Variants in MYO5B observed in about 807,000 individuals in gnomAD.
MYO5B encodes the protein unconventional myosin-Vb.
In MYO5B, 143 loss-of-function variants were observed where a neutral mutation model predicts 229.3. The ratio of observed to expected loss-of-function variants is 0.62; its 90% CI spans 0.54 to 0.72. The LOEUF (loss-of-function observed/expected upper bound fraction) is 0.72. Ranked by LOEUF, MYO5B falls within the 30% of genes least tolerant of loss-of-function variation. The pLI is 0.00. For missense variants in MYO5B, 2,321 were observed against 2,331.0 expected, an observed-to-expected ratio of 1.00 and a Z score of 0.09; for synonymous variants, 918 against 885.2, an observed-to-expected ratio of 1.04 and a Z score of -0.66.
intron 12 of MYO5B, among the ~76,000 whole-genome samples, chr18:49,958,671 A>G (rs551908316): frequency 6.6e-6 from 1 of 152,210 alleles, no homozygotes; most frequent in South Asian, 2.1e-4. Context: ...CCAAGCCTCC[A>G]AGAGTTCAAA....
chr18:50,113,266 C>T (rs1232879510), intron 1 of MYO5B, among the ~76,000 whole-genome samples: 2 of 152,214 alleles, frequency 1.3e-5, no homozygotes, highest in South Asian at 2.1e-4. Context: ...CCTCAGGAAG[C>T]TTCGCATCCT....
intron 17 of MYO5B, among the ~76,000 whole-genome samples, chr18:49,921,807 T>A (rs1029410360): frequency 1.6e-4 from 25 of 152,352 alleles, no homozygotes; most frequent in African/African-American, 6.0e-4. Flanking sequence ...GCCCTGTGGA[T>A]AATTCATCAC....
At chr18:50,186,592 A>C (rs2033152366) in intron 1 of MYO5B, among the ~76,000 whole-genome samples, 1 of 152,126 alleles carries the variant, frequency 6.6e-6, no homozygotes, top group Non-Finnish European at 1.5e-5. Context: ...CCCCTTCAGG[A>C]CAGCAGGGAA....
chr18:50,179,142 A>G (rs959478925), intron 1 of MYO5B, among the ~76,000 whole-genome samples: 5 of 152,220 alleles, frequency 3.3e-5, no homozygotes, highest in African/African-American at 4.8e-5. Context: ...TCTTCCAGAC[A>G]TGAAAACCAC....
At chr18:49,933,506 G>T (rs551677650) in intron 16 of MYO5B, among the ~76,000 whole-genome samples, 1 of 152,380 alleles carries the variant, frequency 6.6e-6, no homozygotes, top group African/African-American at 2.4e-5. Flanking sequence ...CTTTTGTATA[G>T]GTCATGCTAT....
At chr18:49,947,262 C>T (rs12962112) in intron 14 of MYO5B, among the ~76,000 whole-genome samples, 52,945 of 151,712 alleles carry the variant, frequency 0.35, 10,287 homozygotes, top group Middle Eastern at 0.56. Flanking sequence ...CCCGCCACCA[C>T]GCCTGGCTAA....
intron 4 of MYO5B, 90 bp downstream of exon 4, chr18:50,036,760 A>T: frequency 6.8e-7 from 1 of 1,473,262 alleles, no homozygotes; most frequent in Non-Finnish European, 9.5e-7. Flanking sequence ...TCACCACCTC[A>T]CTGTGAGCAT....
intron 2 of MYO5B, among the ~76,000 whole-genome samples, chr18:50,044,516 C>G (rs923024629): frequency 1.3e-5 from 2 of 151,976 alleles, no homozygotes; most frequent in African/African-American, 4.8e-5. Context: ...CTTTCTGCAA[C>G]TAGGAGCTGG....
intron 4 of MYO5B, among the ~76,000 whole-genome samples, chr18:50,022,873 A>T (rs2026291948): frequency 6.6e-6 from 1 of 152,098 alleles, no homozygotes; most frequent in Admixed American, 6.5e-5. Flanking sequence ...GGTTTAAGGG[A>T]ATCCCCGGAC....
intron 1 of MYO5B, among the ~76,000 whole-genome samples, chr18:50,163,003 AT>A (rs1189900260): frequency 6.6e-6 from 1 of 152,182 alleles, no homozygotes; most frequent in Non-Finnish European, 1.5e-5. Context: ...CATGTTTTAC[AT>A]TTCAATGATT....
At chr18:49,910,565 GT>G (rs2024946625) in intron 18 of MYO5B, among the ~76,000 whole-genome samples, 1 of 147,932 alleles carries the variant, frequency 6.8e-6, no homozygotes, top group Admixed American at 6.7e-5. Context: ...CCCTTACCCT[GT>G]TTAAAAAAAA....
intron 17 of MYO5B, among the ~76,000 whole-genome samples, chr18:49,916,920 G>T (rs568963895): frequency 8.5e-5 from 13 of 152,368 alleles, no homozygotes; most frequent in Admixed American, 2.6e-4. Context: ...AAGAGAATTT[G>T]TGATTCTTTT....
chr18:49,861,866 C>G (rs954097793), intron 29 of MYO5B, among the ~76,000 whole-genome samples: 2 of 152,326 alleles, frequency 1.3e-5, no homozygotes, highest in East Asian at 3.9e-4. Flanking sequence ...TAAAGTGGCA[C>G]TCACAGTGCC....
chr18:50,039,476 C>A (rs546520682), intron 3 of MYO5B, among the ~76,000 whole-genome samples: 1 of 151,942 alleles, frequency 6.6e-6, no homozygotes, highest in South Asian at 2.1e-4. Context: ...GGACTACAGG[C>A]GCCCGCCACC....
intron 1 of MYO5B, among the ~76,000 whole-genome samples, chr18:50,148,055 C>T (rs1240401584): frequency 5.3e-5 from 8 of 150,420 alleles, no homozygotes; most frequent in Admixed American, 6.6e-5. Flanking sequence ...ACTACAAACA[C>T]CTCTATGCAA....
At chr18:49,950,472 A>G (rs2025420067) in intron 14 of MYO5B, among the ~76,000 whole-genome samples, 1 of 152,218 alleles carries the variant, frequency 6.6e-6, no homozygotes, top group East Asian at 1.9e-4. Context: ...AAGTATGCAA[A>G]GATATACATA....
intron 1 of MYO5B, among the ~76,000 whole-genome samples, chr18:50,155,879 GT>G: frequency 1.3e-5 from 2 of 152,302 alleles, no homozygotes; most frequent in South Asian, 4.2e-4. Context: ...CATAAGTTTG[GT>G]TTTCAAAAGT....
At chr18:50,128,375 T>C (rs1038712953) in intron 1 of MYO5B, among the ~76,000 whole-genome samples, 3 of 152,210 alleles carry the variant, frequency 2.0e-5, no homozygotes, top group Admixed American at 6.5e-5. Context: ...GAACAGCTGA[T>C]GGATTCTGAA....
At chr18:50,011,558 C>T (rs1251967923) in intron 4 of MYO5B, among the ~76,000 whole-genome samples, 2 of 152,126 alleles carry the variant, frequency 1.3e-5, no homozygotes, top group Non-Finnish European at 2.9e-5. Context: ...ATCTGTTCCT[C>T]ATCCTGCCTT....
Sources: gnomAD v4.1 joint callset for allele counts (sites outside exome capture counted in the v4.1 genomes callset) on GRCh38, gnomAD v4.1.1 for gene constraint, MANE v1.5 for transcripts, NCBI Gene and HGNC (gene_info 2026-07-23, HGNC 2026-07-21) for gene names.